NRXN3: variants seen among roughly 807,000 people sequenced by gnomAD.
NRXN3 encodes the protein neurexin 3, also known as neurexin III.
A neutral mutation model predicts 137.6 loss-of-function variants in NRXN3; 32 were observed. That is an observed-to-expected ratio of 0.23 (90% CI 0.18 to 0.31). The LOEUF (loss-of-function observed/expected upper bound fraction) is 0.31, where lower values mean the gene tolerates loss of function less well. NRXN3 is among the 10% of genes least tolerant of loss of function. The probability of loss-of-function intolerance (pLI) is 1.00; values close to 1 mark genes in which losing one functional copy is unlikely to be tolerated. For synonymous variants in NRXN3, 798 were observed against 784.5 expected (o/e 1.02, Z -0.29); for missense variants, 1,574 against 2,062.5 (o/e 0.76, Z 4.59).
chr14:79,511,703 A>T (rs534301792), intron 16 of NRXN3, among the ~76,000 whole-genome samples: 4 of 152,196 alleles, frequency 2.6e-5, no homozygotes, highest in African/African-American at 9.6e-5. Flanking sequence ...GAATCAACCT[A>T]TATTTGAGGA....
chr14:78,820,860 A>G (rs1201354132), intron 10 of NRXN3, among the ~76,000 whole-genome samples: 1 of 152,224 alleles, frequency 6.6e-6, no homozygotes, highest in African/African-American at 2.4e-5. Context: ...CATGTCCTCT[A>G]AAGCAAAATA....
At chr14:78,872,946 T>C (rs1365694807) in intron 10 of NRXN3, among the ~76,000 whole-genome samples, 1 of 152,178 alleles carries the variant, frequency 6.6e-6, no homozygotes, top group Non-Finnish European at 1.5e-5. Context: ...ATTCCAATGC[T>C]CTTCTTAAAC....
chr14:79,036,586 G>A (rs1297944248), intron 15 of NRXN3, among the ~76,000 whole-genome samples: 2 of 113,546 alleles, frequency 1.8e-5, no homozygotes, highest in South Asian at 3.0e-4. Context: ...TATTGTTTTC[G>A]TTTTGGGTTT....
At chr14:78,450,777 G>T (rs1165686009) in intron 4 of NRXN3, among the ~76,000 whole-genome samples, 1 of 152,148 alleles carries the variant, frequency 6.6e-6, no homozygotes, top group East Asian at 1.9e-4. Flanking sequence ...TCTCCAAAAT[G>T]ATCTATTTGG....
intron 16 of NRXN3, among the ~76,000 whole-genome samples, chr14:79,526,855 A>G (rs1184207886): frequency 6.6e-6 from 1 of 152,212 alleles, no homozygotes; most frequent in Admixed American, 6.5e-5. Context: ...TACAAAATAC[A>G]AAAAAAGAAA....
At chr14:78,439,918 C>T (rs1360068304) in intron 4 of NRXN3, among the ~76,000 whole-genome samples, 1 of 152,174 alleles carries the variant, frequency 6.6e-6, no homozygotes, top group Non-Finnish European at 1.5e-5. Flanking sequence ...CCTACTCCTA[C>T]CCTGATCTGG....
At chr14:78,420,901 C>T (rs571577577) in intron 4 of NRXN3, among the ~76,000 whole-genome samples, 1 of 152,246 alleles carries the variant, frequency 6.6e-6, no homozygotes, top group South Asian at 2.1e-4. Context: ...GCACCTGTTA[C>T]CTCCATGGGG....
chr14:78,887,992 C>A (rs1431853017), intron 10 of NRXN3, among the ~76,000 whole-genome samples: 1 of 152,078 alleles, frequency 6.6e-6, no homozygotes, highest in South Asian at 2.1e-4. Context: ...TTTATTAAAT[C>A]ATCTGGGTAT....
chr14:79,706,606 C>G (rs566057844), intron 19 of NRXN3, among the ~76,000 whole-genome samples: 55 of 152,128 alleles, frequency 3.6e-4, no homozygotes, highest in Middle Eastern at 6.8e-3. Context: ...TCTGTAAACA[C>G]TGTGTTCAAA....
chr14:78,781,646 G>C (rs894189638), intron 8 of NRXN3, among the ~76,000 whole-genome samples: 1 of 152,104 alleles, frequency 6.6e-6, no homozygotes, highest in Admixed American at 6.5e-5. Context: ...TGTCAAAATT[G>C]TGAATGTTAA....
rs573590790 is a variant in NRXN3 at position 79,846,622 on chromosome 14, A to T, written c.4094-14720A>T. Among the ~76,000 whole-genome samples the T allele has an allele frequency of 8.7e-4, 132 of 152,324 alleles. 2 individuals carry two copies. The highest frequency in any genetic ancestry group is 3.1e-3 in the African/African-American group (127 of 41,576). On this transcript the variant is annotated intron_variant, in intron 20 of 20. Transcript: ENST00000335750. ...GACTTTAAATTAATCTTTTTTCCTT[A>T]CATTCAGATAAGCTTTAATGTGTAC...
chr14:79,748,424 G>A (rs1194150021), intron 19 of NRXN3, among the ~76,000 whole-genome samples: 1 of 152,028 alleles, frequency 6.6e-6, no homozygotes, highest in Non-Finnish European at 1.5e-5. Flanking sequence ...GTTGACATTG[G>A]AAGAGCAAAG....
At chr14:79,691,784 G>A (rs1438108636) in intron 17 of NRXN3, among the ~76,000 whole-genome samples, 1 of 151,962 alleles carries the variant, frequency 6.6e-6, no homozygotes, top group Non-Finnish European at 1.5e-5. Flanking sequence ...GTGGAGCGAG[G>A]GTCCCGTCTC....
chr14:78,172,580 G>T (rs1409376481), intron 1 of NRXN3, among the ~76,000 whole-genome samples: 2 of 152,098 alleles, frequency 1.3e-5, no homozygotes, highest in Admixed American at 1.3e-4. Flanking sequence ...TGTTGTTGGG[G>T]AGTGGAGTAA....
chr14:78,456,860 T>TTTCTTTCTTTCTTTCTTTTTCC (rs2094741966), intron 4 of NRXN3, among the ~76,000 whole-genome samples: 2 of 76,358 alleles, frequency 2.6e-5, no homozygotes, highest in African/African-American at 7.7e-5. Context: ...TTTCTTTTTC[T>TTTCTTTCTTTCTTTCTTTTTCC]CTTTCTTTCT....
chr14:79,183,121 CT>C (rs2063128989), intron 15 of NRXN3, among the ~76,000 whole-genome samples: 2 of 152,124 alleles, frequency 1.3e-5, no homozygotes, highest in Non-Finnish European at 2.9e-5. Context: ...TCTTGATCTA[CT>C]TTTATTTTTT....
chr14:79,518,764 G>A (rs868215301), intron 16 of NRXN3, among the ~76,000 whole-genome samples: 1 of 151,974 alleles, frequency 6.6e-6, no homozygotes, highest in Non-Finnish European at 1.5e-5. Context: ...GGATACTTTA[G>A]CCTCGTTACT....
chr14:78,578,780 C>T (rs2096962264), intron 4 of NRXN3, among the ~76,000 whole-genome samples: 1 of 152,070 alleles, frequency 6.6e-6, no homozygotes, highest in Non-Finnish European at 1.5e-5. Flanking sequence ...AGAATAGACA[C>T]TGAGAAATGA....
chr14:78,666,853 GTCT>G (rs1299752614), intron 6 of NRXN3, among the ~76,000 whole-genome samples: 1 of 152,146 alleles, frequency 6.6e-6, no homozygotes, highest in Non-Finnish European at 1.5e-5. Context: ...AGCAAAGCAT[GTCT>G]TCTTCAGCCT....
Sources: allele counts gnomAD v4.1 joint callset (sites outside exome capture counted in the v4.1 genomes callset), GRCh38; gene constraint gnomAD v4.1.1; transcripts MANE v1.5; gene names NCBI Gene and HGNC (gene_info 2026-07-23, HGNC 2026-07-21).